The following TCERG1L variants were observed in gnomAD, a reference collection of about 807,000 sequenced individuals.
TCERG1L encodes transcription elongation regulator 1-like protein.
Under a neutral mutation model 56.3 loss-of-function variants are expected in TCERG1L, and 37 were observed. The ratio of observed to expected loss-of-function variants is 0.66; its 90% CI spans 0.51 to 0.87. TCERG1L has a LOEUF of 0.87. Ranked by LOEUF, TCERG1L falls within the 40% of genes least tolerant of loss-of-function variation. TCERG1L has a pLI of 0.00. For synonymous variants in TCERG1L, 324 were observed against 326.3 expected, an observed-to-expected ratio of 0.99 and a Z score of 0.08; for missense variants, 799 against 774.2, an observed-to-expected ratio of 1.03 and a Z score of -0.38.
intron 8 of TCERG1L, among the ~76,000 whole-genome samples, chr10:131,121,126 T>C (rs972306896): frequency 1.3e-5 from 2 of 152,176 alleles, no homozygotes; most frequent in African/African-American, 2.4e-5. Context: ...TAGTGGACCA[T>C]GGCTCCAAGA....
intron 4 of TCERG1L, among the ~76,000 whole-genome samples, chr10:131,238,903 G>T (rs1245366211): frequency 6.6e-6 from 1 of 152,238 alleles, no homozygotes; most frequent in Non-Finnish European, 1.5e-5. Context: ...GGTGTCCCGG[G>T]AAAGCCTGGT....
chr10:131,254,302 A>AAT (rs57689050), intron 4 of TCERG1L, among the ~76,000 whole-genome samples: 2,313 of 142,708 alleles, frequency 0.016, 38 homozygotes, highest in East Asian at 0.063. Flanking sequence ...ACTGGATTTA[A>AAT]ATATATATAT....
chr10:131,189,663 A>T (rs1458112937), intron 4 of TCERG1L, among the ~76,000 whole-genome samples: 1 of 152,086 alleles, frequency 6.6e-6, no homozygotes, highest in African/African-American at 2.4e-5. Context: ...TCTTTTTGGT[A>T]TATTGATTTC....
At position 131,111,910 on chromosome 10, in the gene TCERG1L, T is replaced by A. The variant is rs1285633863; in HGVS notation, c.1395+4889A>T. ...CCGGCAGCCGAAAGGCATCTCCAGG[T>A]CCCTTGGTCCCTAGTCATGGGCCCT... On this transcript the variant is annotated intron_variant, in intron 9 of 11. Transcript: ENST00000368642. Among the ~76,000 whole-genome samples the A allele has an allele frequency of 2.8e-5, 4 of 143,082 alleles. 1 individual carries two copies. The highest frequency in any genetic ancestry group is 9.9e-5 in the African/African-American group (4 of 40,546). 93.9% of individuals were successfully genotyped at this position (143,082 alleles called of 152,430 possible).
chr10:131,282,193 G>A (rs1173973327), intron 3 of TCERG1L, among the ~76,000 whole-genome samples: 3 of 150,892 alleles, frequency 2.0e-5, no homozygotes, highest in African/African-American at 7.3e-5. Flanking sequence ...CCACTTAGGA[G>A]GAATTTACCC....
intron 3 of TCERG1L, among the ~76,000 whole-genome samples, chr10:131,262,031 G>A (rs1331693171): frequency 6.6e-6 from 1 of 152,226 alleles, no homozygotes; most frequent in South Asian, 2.1e-4. Context: ...CAGGGATGAG[G>A]TGCAGTGTTC....
At chr10:131,210,684 C>T (rs1845607568) in intron 4 of TCERG1L, among the ~76,000 whole-genome samples, 1 of 152,112 alleles carries the variant, frequency 6.6e-6, no homozygotes, top group African/African-American at 2.4e-5. Context: ...CCCTCATCTC[C>T]GCCCTTCCCT....
chr10:131,114,211 C>G (rs1845433664), intron 9 of TCERG1L, among the ~76,000 whole-genome samples: 1 of 142,214 alleles, frequency 7.0e-6, no homozygotes, highest in South Asian at 2.6e-4. Flanking sequence ...AATAACAAAT[C>G]TTATTAATCA....
chr10:131,217,349 A>G (rs1465031240), intron 4 of TCERG1L, among the ~76,000 whole-genome samples: 1 of 152,130 alleles, frequency 6.6e-6, no homozygotes, highest in Non-Finnish European at 1.5e-5. Context: ...AGGCCTCTGC[A>G]GAACACCAAG....
At chr10:131,261,373 G>C (rs1846236239) in intron 3 of TCERG1L, among the ~76,000 whole-genome samples, 1 of 152,228 alleles carries the variant, frequency 6.6e-6, no homozygotes, top group Non-Finnish European at 1.5e-5. Flanking sequence ...CACTACTCTT[G>C]ATCTGGCACG....
At chr10:131,099,790 C>T (rs1845287001) in intron 10 of TCERG1L, among the ~76,000 whole-genome samples, 1 of 152,200 alleles carries the variant, frequency 6.6e-6, no homozygotes, top group African/African-American at 2.4e-5. Context: ...CGAAATGAAA[C>T]ATCCACAAAT....
intron 11 of TCERG1L, among the ~76,000 whole-genome samples, chr10:131,097,867 T>G (rs1407901558): frequency 6.6e-6 from 1 of 152,224 alleles, no homozygotes; most frequent in East Asian, 1.9e-4. Context: ...GACCAACTGT[T>G]AAGACATCTG....
At chr10:131,171,527 C>A (rs1440715927) in intron 4 of TCERG1L, among the ~76,000 whole-genome samples, 1 of 152,216 alleles carries the variant, frequency 6.6e-6, no homozygotes, top group East Asian at 1.9e-4. Flanking sequence ...GTAGTCATCA[C>A]ACACCCTAAG....
chr10:131,119,085 AG>A (rs1845487702), intron 8 of TCERG1L, among the ~76,000 whole-genome samples: 1 of 152,180 alleles, frequency 6.6e-6, no homozygotes, highest in South Asian at 2.1e-4. Flanking sequence ...GGTGGCAAAC[AG>A]GAAAAGGTCA....
At chr10:131,137,274 G>A (rs537633722) in intron 7 of TCERG1L, among the ~76,000 whole-genome samples, 6 of 152,186 alleles carry the variant, frequency 3.9e-5, no homozygotes, top group Admixed American at 1.3e-4. Flanking sequence ...GTCCTCTCCC[G>A]CTGGGGCGCT....
At chr10:131,115,171 G>T (rs980992779) in intron 9 of TCERG1L, among the ~76,000 whole-genome samples, 2 of 152,242 alleles carry the variant, frequency 1.3e-5, no homozygotes, top group Admixed American at 6.5e-5. Flanking sequence ...TGAGAGGGCC[G>T]CCTAGTCACT....
intron 3 of TCERG1L, among the ~76,000 whole-genome samples, chr10:131,282,137 GAAAAA>G (rs543405432): frequency 1.1e-5 from 1 of 92,536 alleles, no homozygotes; most frequent in African/African-American, 4.4e-5. Flanking sequence ...CTCCATCTCA[GAAAAA>G]AAAAAAAAAA....
chr10:131,173,392 G>C (rs1846112848), intron 4 of TCERG1L, among the ~76,000 whole-genome samples: 1 of 152,126 alleles, frequency 6.6e-6, no homozygotes, highest in Non-Finnish European at 1.5e-5. Context: ...GAGCTCCTTT[G>C]AAAAATTTGA....
Position 131,112,227 on chromosome 10 carries a change from C to T in TCERG1L, c.1395+4572G>A, listed in dbSNP as rs974446475. Among the ~76,000 whole-genome samples the T allele has an allele frequency of 9.8e-5, 14 of 142,928 alleles. 2 individuals carry two copies. In the South Asian group the frequency reaches 1.3e-3, roughly 13 times the overall value. The allele number at this position is 142,928 out of a possible 152,430, so 93.8% of individuals were successfully genotyped here. ...GGCCGGGGGCTGAAGACTTGGGCCA[C>T]GCCCCTGTCCCCGAGCTCTGTCCAG... is the stretch of plus-strand genomic sequence containing the variant. On this transcript the variant is annotated intron_variant, in intron 9 of 11. Coordinates refer to ENST00000368642, the MANE Select transcript of TCERG1L (RefSeq NM_174937.4).
Sources: allele counts gnomAD v4.1 joint callset (sites outside exome capture counted in the v4.1 genomes callset), GRCh38; gene constraint gnomAD v4.1.1; transcripts MANE v1.5; gene names NCBI Gene and HGNC (gene_info 2026-07-23, HGNC 2026-07-21).